The following HDHD5 variants were observed in gnomAD, a reference collection of about 807,000 sequenced individuals.
The protein encoded by HDHD5 is haloacid dehalogenase like hydrolase domain containing 5, also known as haloacid dehalogenase-like hydrolase domain-containing 5.
In HDHD5, 34 loss-of-function variants were observed where a neutral mutation model predicts 35.5. The observed-to-expected ratio is 0.96, with a 90% CI of 0.73 to 1.28. The LOEUF (loss-of-function observed/expected upper bound fraction) is 1.28. HDHD5 is among the 50% of genes most tolerant of loss of function. HDHD5 has a pLI of 0.00. For missense variants in HDHD5, 589 were observed against 560.2 expected (o/e 1.05, Z -0.52); for synonymous variants, 248 against 240.6 (o/e 1.03, Z -0.29).
upstream of HDHD5, chr22:17,159,387 G>A (rs548907137): frequency 3.6e-5 from 38 of 1,059,304 alleles, no homozygotes; most frequent in African/African-American, 3.2e-4. Context: ...AGCCCGTCGG[G>A]CGCCTATGGA....
intron 1 of HDHD5, among the ~76,000 whole-genome samples, chr22:17,157,391 G>C (rs546257559): frequency 2.7e-5 from 4 of 150,796 alleles, no homozygotes; most frequent in African/African-American, 9.8e-5. Context: ...TCAGCCTCCC[G>C]AGTAGCTGGG....
chr22:17,149,582 T>C lies in HDHD5; in HGVS notation c.290A>G (p.His97Arg). 6.2e-7 allele frequency: 1 copy of C among 1,612,834 alleles called. No homozygotes were observed. Among genetic ancestry groups the C allele is most frequent in the Non-Finnish European group, 8.5e-7 (1 of 1,180,020 alleles). Reference protein sequence around the residue: ...FVTNAGNILQHSKAQELSALL... With the variant: ...FVTNAGNILQRSKAQELSALL... ...GGCTGACAGCTCCTGGGCTTTGCTG[T>C]GTTGTAAGATGTTCCCAGCATTTGT... The change falls in exon 2 of 8, where the codon CAC becomes CGC. Residue 97 changes from histidine to arginine, a missense_variant. Transcript: ENST00000336737.
chr22:17,147,397 G>A (rs1185139760), intron 3 of HDHD5, among the ~76,000 whole-genome samples: 3 of 116,052 alleles, frequency 2.6e-5, no homozygotes, highest in Non-Finnish European at 3.5e-5. Flanking sequence ...ACATGCCATC[G>A]CACACGCCCC....
chr22:17,151,336 T>A (rs760698116), intron 1 of HDHD5, among the ~76,000 whole-genome samples: 1 of 40,954 alleles, frequency 2.4e-5, no homozygotes. Context: ...ACCTAACTTG[T>A]TTGCTATTTT....
chr22:17,143,209 G>A, intron 4 of HDHD5, 78 bp from the exon 5 acceptor site: 1 of 1,505,146 alleles, frequency 6.6e-7, no homozygotes, highest in Admixed American at 1.9e-5. Flanking sequence ...CCTCCAGGGT[G>A]CTGGGAGGGG....
At chr22:17,165,174 C>T (rs768533432) in intron 1 of HDHD5, 7 of 769,138 alleles carry the variant, frequency 9.1e-6, no homozygotes, top group Non-Finnish European at 1.5e-5. Flanking sequence ...TACTCCTGGC[C>T]TCTCTCTACC....
intron 1 of HDHD5, among the ~76,000 whole-genome samples, chr22:17,156,992 C>T (rs1391379528): frequency 1.3e-5 from 2 of 150,576 alleles, no homozygotes; most frequent in Non-Finnish European, 3.0e-5. Context: ...GCAGGCGAAT[C>T]ACTTGAACCT....
chr22:17,149,899 C>G (rs2061707509), intron 1 of HDHD5, among the ~76,000 whole-genome samples, 154 bp from the exon 2 acceptor site: 1 of 145,728 alleles, frequency 6.9e-6, no homozygotes, highest in Non-Finnish European at 1.5e-5. Flanking sequence ...ATAGGGCAAT[C>G]TTTAAATAGA....
Position 17,145,136 on chromosome 22 carries a change from G to C in HDHD5, c.444-19C>G. 6.2e-7 allele frequency: 1 copy of C among 1,613,896 alleles called. No homozygotes were observed. Among genetic ancestry groups the C allele is most frequent in the East Asian group, 2.2e-5 (1 of 44,854 alleles). ...GCCCAGTCTGGAGCAAGCTCAGGAA[G>C]TAATGCTGGACAGTTCTTGGGGAAG... On this transcript the variant is annotated intron_variant, in intron 3 of 7. Transcript: ENST00000336737.
intron 1 of HDHD5, among the ~76,000 whole-genome samples, chr22:17,156,276 G>C (rs2061788960): frequency 1.3e-5 from 2 of 152,150 alleles, no homozygotes; most frequent in African/African-American, 2.4e-5. Context: ...GCCTGGGCTA[G>C]TAGGTGTTTG....
intron 1 of HDHD5, among the ~76,000 whole-genome samples, chr22:17,152,164 T>C (rs1470644251): frequency 6.6e-6 from 1 of 152,110 alleles, no homozygotes; most frequent in African/African-American, 2.4e-5. Context: ...AGATTGGCCA[T>C]CACAGGTCTC....
upstream of HDHD5, among the ~76,000 whole-genome samples, chr22:17,161,598 G>A (rs1006486944): frequency 6.6e-5 from 10 of 151,672 alleles, no homozygotes; most frequent in African/African-American, 2.2e-4. Flanking sequence ...GGTGGGTATG[G>A]TGGTTCATGC....
chr22:17,159,789 C>T (rs753613635), upstream of HDHD5: 2 of 283,418 alleles, frequency 7.1e-6, no homozygotes, highest in South Asian at 2.7e-5. Flanking sequence ...GCACGTGAGT[C>T]CGCCCCCGCG....
chr22:17,160,373 G>A (rs1307863561), upstream of HDHD5, among the ~76,000 whole-genome samples: 1 of 151,986 alleles, frequency 6.6e-6, no homozygotes, highest in African/African-American at 2.4e-5. Context: ...AAATAGGGCC[G>A]GGTGCGGTGG....
At chr22:17,141,007 C>A in intron 6 of HDHD5, 52 bp downstream of exon 6, 1 of 1,492,480 alleles carries the variant, frequency 6.7e-7, no homozygotes, top group South Asian at 1.4e-5. Context: ...ACTGCCCAGG[C>A]AGCAGCCAGG....
intron 1 of HDHD5, among the ~76,000 whole-genome samples, chr22:17,157,271 C>CTTTTTTTTT (rs372356199): frequency 7.3e-6 from 1 of 136,696 alleles, no homozygotes; most frequent in Non-Finnish European, 1.6e-5. Context: ...GGTTAATTTT[C>CTTTTTTTTT]TTTTTTTTTT....
In HDHD5 at chr22:17,149,583, G is replaced by A; in HGVS notation, c.289C>T (p.His97Tyr). 1 of 1,612,834 alleles carries A rather than the reference G, an allele frequency of 6.2e-7. No homozygotes were observed. Among genetic ancestry groups the A allele is most frequent in the Non-Finnish European group, 8.5e-7 (1 of 1,180,026 alleles). Residue 97 changes from histidine (H) to tyrosine (Y), a missense_variant, in exon 2 of 8, where the codon CAC (histidine) becomes TAC (tyrosine). Transcript: ENST00000336737. ...GCTGACAGCTCCTGGGCTTTGCTGT[G>A]TTGTAAGATGTTCCCAGCATTTGTA... The part of the protein sequence containing the change: ...FVTNAGNILQ[H>Y]SKAQELSALL...
upstream of HDHD5, chr22:17,159,509 G>T (rs2061845767): frequency 6.5e-6 from 3 of 462,916 alleles, no homozygotes; most frequent in African/African-American, 2.0e-5. Context: ...GGCACGGCCT[G>T]GGCGGCGGCG....
chr22:17,149,597 C>G lies in HDHD5; in HGVS notation c.275G>C (p.Gly92Ala). The G allele has an allele frequency of 6.2e-7, 1 of 1,613,074 alleles. No homozygotes were observed. Among genetic ancestry groups the G allele is most frequent in the Non-Finnish European group, 8.5e-7 (1 of 1,180,008 alleles). ...GGCTTTGCTGTGTTGTAAGATGTTC[C>G]CAGCATTTGTAACAAAAACCACGGG... The part of the protein sequence containing the change: ...RVPVVFVTNA[G>A]NILQHSKAQE... The change falls in exon 2 of 8, where the codon GGG becomes GCG. Residue 92 changes from glycine (G) to alanine (A), a missense_variant. Gly to Ala is a moderately conservative substitution (Grantham distance 60, BLOSUM62 0). Coordinates refer to ENST00000336737, the MANE Select transcript of HDHD5 (RefSeq NM_033070.3).
Sources: gnomAD v4.1 joint callset for allele counts (sites outside exome capture counted in the v4.1 genomes callset) on GRCh38, gnomAD v4.1.1 for gene constraint, MANE v1.5 for transcripts, NCBI Gene and HGNC (gene_info 2026-07-23, HGNC 2026-07-21) for gene names.